TAFA5: variants seen among roughly 807,000 people sequenced by gnomAD.
TAFA5 encodes the protein chemokine-like protein TAFA-5.
A neutral mutation model predicts 15.3 loss-of-function variants in TAFA5; 6 were observed. The ratio of observed to expected loss-of-function variants is 0.39; its 90% confidence interval spans 0.21 to 0.77. TAFA5 has a LOEUF of 0.77. Among genes scored for constraint, TAFA5 ranks in the 30% least tolerant of loss-of-function variants. TAFA5 has a pLI of 0.41. For missense variants in TAFA5, 161 were observed against 193.1 expected (o/e 0.83, Z 0.98); for synonymous variants, 103 against 80.7 (o/e 1.28, Z -1.48).
chr22:48,736,892 T>G (rs191729981), intron 3 of TAFA5, among the ~76,000 whole-genome samples: 1 of 152,208 alleles, frequency 6.6e-6, no homozygotes, highest in Non-Finnish European at 1.5e-5. Context: ...GAAGGTGTCC[T>G]AAAGTTGGCT....
chr22:48,674,208 C>T (rs1032878317), intron 2 of TAFA5, among the ~76,000 whole-genome samples: 24 of 152,190 alleles, frequency 1.6e-4, no homozygotes, highest in Non-Finnish European at 2.9e-5. Context: ...TGGGACTTTG[C>T]TCCCGGCTGC....
chr22:48,658,970 C>T (rs560755552), intron 2 of TAFA5, among the ~76,000 whole-genome samples: 48 of 152,300 alleles, frequency 3.2e-4, no homozygotes, highest in African/African-American at 1.0e-3. Flanking sequence ...GAGGAGGTGA[C>T]GCCTTTGCCC....
In TAFA5 at chr22:48,514,675, GACCC is replaced by G. The variant is rs1295381442; in HGVS notation, c.112+24975_112+24978del. ...CAGCCAGGTGACTTGTCCCGGTGGA[GACCC>G]ACCGTCCTAGACTACAGGGAACTCT... On this transcript the variant is annotated intron_variant, in intron 1 of 3. Transcript: ENST00000402357. Among the ~76,000 whole-genome samples, 9 of 152,332 alleles carry G rather than the reference GACCC, an allele frequency of 5.9e-5. No individual in the cohort carries two copies. In the East Asian group the frequency reaches 1.5e-3, roughly 26 times the overall value.
At chr22:48,645,551 T>C (rs570370663) in intron 1 of TAFA5, among the ~76,000 whole-genome samples, 1 of 152,194 alleles carries the variant, frequency 6.6e-6, no homozygotes, top group East Asian at 1.9e-4. Context: ...CCCTTCTCTG[T>C]ACCACAGGTA....
rs1930461900 is a variant in TAFA5, at chr22:48,750,626, C to G, written c.*779C>G. 1 of 152,826 alleles carries G rather than the reference C, an allele frequency of 6.5e-6. No individual in the cohort carries two copies. Among genetic ancestry groups the G allele is most frequent in the Non-Finnish European group, 1.5e-5 (1 of 68,120 alleles). The allele number at this position is 152,826 out of a possible 1,614,324, so 9.5% of individuals were successfully genotyped here. A position where few individuals can be genotyped will look rare whatever the true frequency, so the allele number is the denominator to read the frequency against. ...GATCAACTTGACCGTACTAAAATCC[C>G]TTTCTGTTTTAACCAGTTAAACATG... is the stretch of plus-strand genomic sequence containing the variant. On this transcript the variant is annotated 3_prime_UTR_variant, in exon 4 of 4. Coordinates refer to ENST00000402357, the MANE Select transcript of TAFA5 (RefSeq NM_001082967.3).
intron 1 of TAFA5, among the ~76,000 whole-genome samples, chr22:48,639,460 T>A (rs1216150432): frequency 1.3e-5 from 2 of 152,248 alleles, no homozygotes; most frequent in Non-Finnish European, 2.9e-5. Flanking sequence ...CCTGGCAGGA[T>A]CACACGGTTT....
intron 1 of TAFA5, among the ~76,000 whole-genome samples, chr22:48,587,280 C>T (rs1256368152): frequency 6.6e-6 from 1 of 152,182 alleles, no homozygotes; most frequent in Non-Finnish European, 1.5e-5. Flanking sequence ...CACCTAGGTT[C>T]ATCTCACGGG....
chr22:48,671,965 A>G (rs1884348), intron 2 of TAFA5, among the ~76,000 whole-genome samples: 129,558 of 152,244 alleles, frequency 0.85, 55,740 homozygotes, highest in East Asian at 1. Context: ...CATAGTAGCT[A>G]TGTGTCTTTG....
intron 2 of TAFA5, among the ~76,000 whole-genome samples, chr22:48,652,679 G>A (rs1395904469): frequency 2.0e-5 from 3 of 152,180 alleles, no homozygotes; most frequent in East Asian, 3.8e-4. Flanking sequence ...GTGGAGCACC[G>A]GCTTTGCTCT....
intron 1 of TAFA5, among the ~76,000 whole-genome samples, chr22:48,571,574 G>GTTTTGTT (rs1923586979): frequency 8.4e-3 from 246 of 29,272 alleles, no homozygotes; most frequent in Non-Finnish European, 0.012. Context: ...TGCCTGGCCT[G>GTTTTGTT]TTTTTTTTTT....
chr22:48,501,240 G>C (rs527716820), intron 1 of TAFA5, among the ~76,000 whole-genome samples: 6 of 152,358 alleles, frequency 3.9e-5, no homozygotes, highest in Admixed American at 3.3e-4. Context: ...TGATTGGAGT[G>C]AGGCCTTCTC....
chr22:48,656,366 T>C (rs544305664), intron 2 of TAFA5, among the ~76,000 whole-genome samples: 2 of 152,012 alleles, frequency 1.3e-5, no homozygotes, highest in South Asian at 4.2e-4. Context: ...ATGAGCTGGC[T>C]GTGGTGGCAG....
intron 1 of TAFA5, among the ~76,000 whole-genome samples, chr22:48,615,486 G>A (rs1476080924): frequency 6.6e-6 from 1 of 152,218 alleles, no homozygotes; most frequent in Admixed American, 6.5e-5. Context: ...GGCCATGCTC[G>A]CCTTCCTGGG....
intron 2 of TAFA5, among the ~76,000 whole-genome samples, chr22:48,701,090 G>C (rs1242686373): frequency 6.6e-6 from 1 of 152,152 alleles, no homozygotes; most frequent in Non-Finnish European, 1.5e-5. Context: ...CTGGTACAAT[G>C]GATGTGTATT....
At chr22:48,695,709 G>A (rs1339660643) in intron 2 of TAFA5, among the ~76,000 whole-genome samples, 1 of 152,170 alleles carries the variant, frequency 6.6e-6, no homozygotes, top group Non-Finnish European at 1.5e-5. Context: ...GGGTGGGCAA[G>A]GGCACCTGGC....
intron 3 of TAFA5, among the ~76,000 whole-genome samples, chr22:48,735,808 A>G (rs62225027): frequency 8.0e-5 from 11 of 137,008 alleles, no homozygotes; most frequent in Non-Finnish European, 1.3e-4. Flanking sequence ...TGAGAATCAC[A>G]CTCCTAGAGT....
Position 48,541,037 on chromosome 22 carries a change from C to T in TAFA5, c.112+51333C>T, listed in dbSNP as rs544758998. On this transcript the variant is annotated intron_variant, in intron 1 of 3. Coordinates refer to ENST00000402357, the MANE Select transcript of TAFA5 (RefSeq NM_001082967.3). ...AAAATGGGGATCCTGGGCTGAGGAA[C>T]CTGTTCAGGGACAGGGGGTGGGGGA... Among the ~76,000 whole-genome samples, 191 of 152,150 alleles carry T rather than the reference C, an allele frequency of 1.3e-3. 1 individual carries two copies. The highest frequency in any genetic ancestry group is 3.5e-3 in the Admixed American group (53 of 15,286).
intron 1 of TAFA5, among the ~76,000 whole-genome samples, chr22:48,626,315 G>A (rs920552732): frequency 2.6e-5 from 4 of 152,330 alleles, no homozygotes; most frequent in Admixed American, 1.3e-4. Context: ...CCCGCCGGCC[G>A]TGAAGGAGCG....
intron 1 of TAFA5, among the ~76,000 whole-genome samples, chr22:48,571,434 C>T (rs993122284): frequency 1.3e-5 from 2 of 151,462 alleles, no homozygotes; most frequent in Non-Finnish European, 2.9e-5. Context: ...ACTACCACGC[C>T]CAGCTAATTT....
Sources: allele counts gnomAD v4.1 joint callset (sites outside exome capture counted in the v4.1 genomes callset), GRCh38; gene constraint gnomAD v4.1.1; transcripts MANE v1.5; gene names NCBI Gene and HGNC (gene_info 2026-07-23, HGNC 2026-07-21).